Variants in BTBD10 observed in about 807,000 individuals in gnomAD.
The protein encoded by BTBD10 is BTB/POZ domain-containing protein 10.
A neutral mutation model predicts 53.2 loss-of-function variants in BTBD10; 21 were observed. The ratio of observed to expected loss-of-function variants is 0.39; its 90% confidence interval spans 0.28 to 0.57. The LOEUF is 0.57. Ranked by LOEUF, BTBD10 falls within the 20% of genes least tolerant of loss-of-function variation. The probability of loss-of-function intolerance (pLI) is 0.53; values close to 1 mark genes in which losing one functional copy is unlikely to be tolerated. For missense variants in BTBD10, 360 were observed against 594.7 expected, an observed-to-expected ratio of 0.61 and a Z score of 4.10; for synonymous variants, 149 against 192.7, an observed-to-expected ratio of 0.77 and a Z score of 1.88.
At chr11:13,446,134 G>A (rs2134035083) in intron 1 of BTBD10, among the ~76,000 whole-genome samples, 1 of 152,244 alleles carries the variant, frequency 6.6e-6, no homozygotes, top group Non-Finnish European at 1.5e-5. Context: ...CACCAAAAGA[G>A]AAACCAAATG....
At chr11:13,413,407 A>C (rs1045072515) in intron 6 of BTBD10, 123 bp downstream of exon 6, 2 of 761,294 alleles carry the variant, frequency 2.6e-6, no homozygotes, top group African/African-American at 1.8e-5. Flanking sequence ...TTGTGGTACT[A>C]GAATGCTTTA....
At chr11:13,418,252 T>C (rs1277866010) in intron 4 of BTBD10, among the ~76,000 whole-genome samples, 1 of 152,068 alleles carries the variant, frequency 6.6e-6, no homozygotes, top group Non-Finnish European at 1.5e-5. Context: ...AGACACACTT[T>C]AGTCAATCGG....
intron 2 of BTBD10, among the ~76,000 whole-genome samples, chr11:13,439,676 T>A (rs966568411): frequency 6.6e-6 from 1 of 152,046 alleles, no homozygotes; most frequent in African/African-American, 2.4e-5. Flanking sequence ...ACACAAAGCA[T>A]CAAACCCACG....
chr11:13,434,782 T>C (rs1161681092), intron 2 of BTBD10, among the ~76,000 whole-genome samples: 4 of 151,874 alleles, frequency 2.6e-5, no homozygotes, highest in African/African-American at 7.2e-5. Context: ...GAAAGTGACT[T>C]GGACCAGTGT....
chr11:13,396,086 G>A (rs1949544235), intron 8 of BTBD10, among the ~76,000 whole-genome samples: 3 of 152,088 alleles, frequency 2.0e-5, no homozygotes, highest in Non-Finnish European at 2.9e-5. Flanking sequence ...AAAGTCATTG[G>A]TAGCTTGATG....
intron 6 of BTBD10, among the ~76,000 whole-genome samples, chr11:13,412,059 G>A (rs548674298): frequency 2.3e-3 from 357 of 152,092 alleles, no homozygotes; most frequent in Non-Finnish European, 3.9e-3. Context: ...TCGAACTCCC[G>A]ACCTCAGGTG....
intron 1 of BTBD10, among the ~76,000 whole-genome samples, chr11:13,458,380 G>T (rs1339458128): frequency 6.6e-6 from 1 of 152,008 alleles, no homozygotes; most frequent in African/African-American, 2.4e-5. Context: ...ATTTAAAAAG[G>T]ATACAGTAAA....
chr11:13,399,929 C>T (rs901350902), intron 8 of BTBD10, among the ~76,000 whole-genome samples: 3 of 152,120 alleles, frequency 2.0e-5, no homozygotes, highest in East Asian at 3.9e-4. Context: ...GAGGAGTACC[C>T]GGCCGTGTGA....
At chr11:13,410,001 G>C (rs569443177) in intron 6 of BTBD10, among the ~76,000 whole-genome samples, 5 of 152,278 alleles carry the variant, frequency 3.3e-5, no homozygotes, top group Admixed American at 1.3e-4. Context: ...AAGTCGGTGA[G>C]GAAGGCTGGG....
At chr11:13,411,340 A>C (rs568980795) in intron 6 of BTBD10, among the ~76,000 whole-genome samples, 19 of 152,356 alleles carry the variant, frequency 1.2e-4, no homozygotes, top group Admixed American at 8.5e-4. Context: ...ATTTTAGTGC[A>C]AAGTGCCATT....
intron 3 of BTBD10, among the ~76,000 whole-genome samples, chr11:13,420,397 T>C (rs142155671): frequency 1.8e-3 from 280 of 152,262 alleles, no homozygotes; most frequent in African/African-American, 6.1e-3. Context: ...CTCATGTTTG[T>C]TGAATAAAGC....
chr11:13,462,341 C>A (rs1004521071), intron 1 of BTBD10, among the ~76,000 whole-genome samples: 1 of 152,186 alleles, frequency 6.6e-6, no homozygotes, highest in Admixed American at 6.5e-5. Flanking sequence ...GTAAAATAAT[C>A]TTGTTTACTA....
chr11:13,421,597 G>A, intron 3 of BTBD10, 45 bp downstream of exon 3: 1 of 1,499,816 alleles, frequency 6.7e-7, no homozygotes, highest in Non-Finnish European at 9.1e-7. Flanking sequence ...AAAGGTAAAT[G>A]CATGTTTTTA....
chr11:13,419,875 A>G, intron 3 of BTBD10, 130 bp from the exon 4 acceptor site: 1 of 963,780 alleles, frequency 1.0e-6, no homozygotes, highest in South Asian at 2.0e-5. Flanking sequence ...TCAATTTCAA[A>G]TAAGATGTTA....
intron 8 of BTBD10, among the ~76,000 whole-genome samples, chr11:13,393,297 T>C (rs1304436084): frequency 6.6e-6 from 1 of 152,236 alleles, no homozygotes; most frequent in Non-Finnish European, 1.5e-5. Context: ...TTTTCTCACA[T>C]ATCCAAGTTC....
intron 5 of BTBD10, among the ~76,000 whole-genome samples, chr11:13,416,528 T>C (rs1004521543): frequency 3.3e-5 from 5 of 152,298 alleles, no homozygotes; most frequent in Admixed American, 6.5e-5. Context: ...AATGATCGAT[T>C]TACTGTATTT....
chr11:13,418,297 A>G (rs376189426), intron 4 of BTBD10, among the ~76,000 whole-genome samples: 1 of 152,132 alleles, frequency 6.6e-6, no homozygotes, highest in South Asian at 2.1e-4. Flanking sequence ...GAAAAAGGAG[A>G]AAAAGAAGAT....
chr11:13,405,954 A>C (rs746551822), intron 6 of BTBD10, 98 bp from the exon 7 acceptor site: 26 of 1,089,726 alleles, frequency 2.4e-5, no homozygotes, highest in Non-Finnish European at 3.3e-5. Flanking sequence ...CAGGCAGCCT[A>C]CATAGGCCCC....
chr11:13,402,489 T>G (rs1314003345), intron 8 of BTBD10, among the ~76,000 whole-genome samples: 1 of 152,198 alleles, frequency 6.6e-6, no homozygotes, highest in Non-Finnish European at 1.5e-5. Flanking sequence ...TGAACATAAG[T>G]CACAGGATTT....
Sources: gnomAD v4.1 joint callset for allele counts (sites outside exome capture counted in the v4.1 genomes callset) on GRCh38, gnomAD v4.1.1 for gene constraint, MANE v1.5 for transcripts, NCBI Gene and HGNC (gene_info 2026-07-23, HGNC 2026-07-21) for gene names.